Variants in GSK3B observed in about 807,000 individuals in gnomAD.
GSK3B encodes glycogen synthase kinase 3 beta, also known as glycogen synthase kinase-3 beta.
Under a neutral mutation model 56.4 loss-of-function variants are expected in GSK3B, and 15 were observed. The ratio of observed to expected loss-of-function variants is 0.27; its 90% CI spans 0.18 to 0.41. GSK3B has a LOEUF of 0.41. Ranked by LOEUF, GSK3B falls within the 10% of genes least tolerant of loss-of-function variation. The pLI, the probability that GSK3B is intolerant of heterozygous loss-of-function variation, is 1.00. For missense variants in GSK3B, 300 were observed against 513.4 expected (o/e 0.58, Z 4.02); for synonymous variants, 181 against 188.9 (o/e 0.96, Z 0.34).
At chr3:119,947,226 A>G in intron 3 of GSK3B, 42 bp downstream of exon 3, 1 of 1,111,540 alleles carries the variant, frequency 9.0e-7, no homozygotes, top group Non-Finnish European at 1.4e-6. Context: ...AAAAATAACA[A>G]ATTTATCACA....
At chr3:119,844,898 T>C (rs972557409) in intron 9 of GSK3B, among the ~76,000 whole-genome samples, 1 of 152,214 alleles carries the variant, frequency 6.6e-6, no homozygotes, top group African/African-American at 2.4e-5. Context: ...TGAACATAGA[T>C]GCAAAAATCC....
intron 1 of GSK3B, among the ~76,000 whole-genome samples, chr3:120,076,777 G>A (rs2058370446): frequency 7.8e-6 from 1 of 127,680 alleles, no homozygotes; most frequent in South Asian, 2.6e-4. Flanking sequence ...TCGCGCCACT[G>A]CACTCCAGCC....
chr3:119,989,607 T>A (rs1163111797), intron 2 of GSK3B, among the ~76,000 whole-genome samples: 2 of 150,018 alleles, frequency 1.3e-5, no homozygotes, highest in African/African-American at 4.9e-5. Context: ...ATTGCGCCAC[T>A]GTACTCCAGT....
intron 2 of GSK3B, among the ~76,000 whole-genome samples, chr3:119,970,318 G>A (rs745986125): frequency 2.0e-5 from 3 of 151,930 alleles, no homozygotes; most frequent in Non-Finnish European, 2.9e-5. Flanking sequence ...GACAATATAC[G>A]GATGGCAAAT....
intron 2 of GSK3B, among the ~76,000 whole-genome samples, chr3:119,975,455 A>G (rs1307367817): frequency 6.6e-6 from 1 of 152,222 alleles, no homozygotes; most frequent in African/African-American, 2.4e-5. Flanking sequence ...TCAAAAAAAA[A>G]GATATGAGCT....
In GSK3B at chr3:119,993,033, G is replaced by GA. The variant is rs199737858; in HGVS notation, c.282+9012dup. On this transcript the variant is annotated intron_variant, in intron 2 of 10. Transcript: ENST00000264235. Reference sequence around the variant, plus strand: ...GGCATTTAGCAGCTGTAAAAAGGATGAAAAAAAAAAAAATCTCTGAACTGA... The same window carrying GA: ...GGCATTTAGCAGCTGTAAAAAGGATGAAAAAAAAAAAAAATCTCTGAACTGA... Among the ~76,000 whole-genome samples, 407 of 119,310 alleles carry GA rather than the reference G, an allele frequency of 3.4e-3. 2 individuals carry two copies. In the Middle Eastern group the frequency reaches 0.043, roughly 13 times the overall value. 78.3% of individuals were successfully genotyped at this position (119,310 alleles called of 152,430 possible).
chr3:119,853,980 G>A (rs1217892828), intron 9 of GSK3B, among the ~76,000 whole-genome samples: 2 of 152,178 alleles, frequency 1.3e-5, no homozygotes, highest in Admixed American at 1.3e-4. Context: ...GTGAGAAAGG[G>A]AACCCCTGTC....
intron 9 of GSK3B, among the ~76,000 whole-genome samples, chr3:119,856,459 A>T (rs1200305258): frequency 1.3e-5 from 2 of 152,220 alleles, no homozygotes; most frequent in Non-Finnish European, 2.9e-5. Flanking sequence ...CATCCAAAGT[A>T]GCAGGGTGGA....
rs959707094 is a variant in GSK3B at position 120,094,151 on chromosome 3, G to A, written c.-717C>T. On this transcript the variant is annotated 5_prime_UTR_variant, in exon 1 of 11. Coordinates refer to ENST00000264235, the MANE Select transcript of GSK3B (RefSeq NM_001146156.2). The stretch of plus-strand genomic sequence containing the variant: ...GGAGGCAGCTCCCTTCAGACCCCAG[G>A]CAGCGGCTCCTCGACTGTTCCCCAT... 2.2e-5 allele frequency: 5 copies of A among 229,034 alleles called. No homozygotes were observed. The highest frequency in any genetic ancestry group is 4.4e-5 in the Non-Finnish European group (5 of 114,468). 14.2% of individuals were successfully genotyped at this position (229,034 alleles called of 1,614,324 possible). A position where few individuals can be genotyped will look rare whatever the true frequency, so the allele number is the denominator to read the frequency against.
intron 2 of GSK3B, among the ~76,000 whole-genome samples, chr3:119,959,459 T>C (rs1006941965): frequency 1.3e-5 from 2 of 151,732 alleles, no homozygotes; most frequent in South Asian, 2.1e-4. Context: ...ACTCCTCTAG[T>C]TGCCCAGGTC....
chr3:119,867,040 G>T (rs1577326048), intron 8 of GSK3B, among the ~76,000 whole-genome samples: 1 of 152,166 alleles, frequency 6.6e-6, no homozygotes, highest in Non-Finnish European at 1.5e-5. Flanking sequence ...ATGGCTGGGA[G>T]GGGGCATATT....
intron 1 of GSK3B, among the ~76,000 whole-genome samples, chr3:120,032,242 C>T (rs1025953254): frequency 6.6e-6 from 1 of 151,954 alleles, no homozygotes; most frequent in Admixed American, 6.6e-5. Context: ...TTTGGGAGGC[C>T]GAGGCAGGCG....
At chr3:119,954,434 T>C (rs932907722) in intron 2 of GSK3B, among the ~76,000 whole-genome samples, 1 of 152,150 alleles carries the variant, frequency 6.6e-6, no homozygotes, top group African/African-American at 2.4e-5. Context: ...TAATTATTTT[T>C]CTGTGCATCG....
chr3:119,875,498 G>GACACACACACAC (rs66880409), intron 8 of GSK3B, among the ~76,000 whole-genome samples: 1 of 144,918 alleles, frequency 6.9e-6, no homozygotes, highest in Non-Finnish European at 1.5e-5. Flanking sequence ...GGTAACCCGT[G>GACACACACACAC]ACACACACAC....
At chr3:120,082,385 C>CTTTTTTTTTTTTT (rs1173737285) in intron 1 of GSK3B, among the ~76,000 whole-genome samples, 5 of 66,384 alleles carry the variant, frequency 7.5e-5, no homozygotes, top group African/African-American at 1.5e-4. Flanking sequence ...TTAGTATGTT[C>CTTTTTTTTTTTTT]TTTTTTTTTT....
intron 2 of GSK3B, among the ~76,000 whole-genome samples, chr3:119,966,986 AT>A (rs2057323960): frequency 3.3e-5 from 5 of 152,212 alleles, no homozygotes; most frequent in African/African-American, 1.2e-4. Flanking sequence ...AATAAAGACA[AT>A]CTATAATCAT....
intron 1 of GSK3B, among the ~76,000 whole-genome samples, chr3:120,089,323 A>G (rs1255094012): frequency 6.6e-6 from 1 of 152,150 alleles, no homozygotes; most frequent in African/African-American, 2.4e-5. Flanking sequence ...CGTTTTAACA[A>G]CTCTGGGGAA....
At chr3:119,903,327 C>T (rs2056644442) in intron 7 of GSK3B, among the ~76,000 whole-genome samples, 1 of 152,118 alleles carries the variant, frequency 6.6e-6, no homozygotes, top group Admixed American at 6.6e-5. Context: ...ATTATCAAAA[C>T]TTTCTATAAG....
At chr3:119,873,725 G>C (rs1260892125) in intron 8 of GSK3B, among the ~76,000 whole-genome samples, 1 of 152,076 alleles carries the variant, frequency 6.6e-6, no homozygotes, top group African/African-American at 2.4e-5. Flanking sequence ...CTAGATGACA[G>C]AGAAAAACAA....
Sources: gnomAD v4.1 joint callset for allele counts (sites outside exome capture counted in the v4.1 genomes callset) on GRCh38, gnomAD v4.1.1 for gene constraint, MANE v1.5 for transcripts, NCBI Gene and HGNC (gene_info 2026-07-23, HGNC 2026-07-21) for gene names.